FNTB: variants seen among roughly 807,000 people sequenced by gnomAD.
The protein encoded by FNTB is farnesyltransferase, CAAX box, subunit beta.
A neutral mutation model predicts 59.4 loss-of-function variants in FNTB; 27 were observed. That is an observed-to-expected ratio of 0.45 (90% confidence interval 0.34 to 0.63). The LOEUF (loss-of-function observed/expected upper bound fraction) is 0.63. Among genes scored for constraint, FNTB ranks in the 20% least tolerant of loss-of-function variants. The pLI is 0.02. For synonymous variants in FNTB, 230 were observed against 220.7 expected, an observed-to-expected ratio of 1.04 and a Z score of -0.37; for missense variants, 449 against 559.6, an observed-to-expected ratio of 0.80 and a Z score of 1.99.
intron 2 of FNTB, chr14:65,006,357 G>A: frequency 1.3e-6 from 2 of 1,592,934 alleles, no homozygotes; most frequent in Non-Finnish European, 1.7e-6. Context: ...CCAAATCTCT[G>A]CATTAACCCA....
chr14:65,004,022 G>A (rs2139477594), intron 1 of FNTB, among the ~76,000 whole-genome samples: 1 of 152,314 alleles, frequency 6.6e-6, no homozygotes, highest in South Asian at 2.1e-4. Context: ...GGATATTATG[G>A]ATTTGGTTTC....
Position 65,040,894 on chromosome 14 carries a change from G to A in FNTB, c.797G>A (p.Arg266His), listed in dbSNP as rs749947758. The change falls in exon 8 of 12, where the codon CGT becomes CAT. Residue 266 changes from arginine (R) to histidine (H), a missense_variant. Arg to His is a conservative substitution (Grantham distance 29). This residue lies in a region of FNTB where 337 missense variants were observed against 479.1 expected (regional missense o/e 0.70). Coordinates refer to ENST00000246166, the MANE Select transcript of FNTB (RefSeq NM_002028.4). ...GCGCTGGTAATCCTCAAGAGGGAAC[G>A]TTCCTTGAACTTGAAGAGCTTATTA... ...LAALVILKRERSLNLKSLLQW... is the reference protein window; with the variant it reads ...LAALVILKREHSLNLKSLLQW... 5.6e-6 allele frequency: 9 copies of A among 1,613,808 alleles called. No homozygotes were observed. The highest frequency in any genetic ancestry group is 3.3e-4 in the Middle Eastern group (2 of 6,084).
intron 1 of FNTB, among the ~76,000 whole-genome samples, chr14:64,995,414 T>C (rs1289790900): frequency 1.3e-5 from 2 of 152,210 alleles, no homozygotes; most frequent in African/African-American, 4.8e-5. Context: ...TAATTGTATG[T>C]GTTATACTTT....
chr14:65,003,552 C>T (rs1217990541), intron 1 of FNTB: 2 of 151,868 alleles, frequency 1.3e-5, no homozygotes, highest in Non-Finnish European at 2.9e-5. Context: ...TAGGAGATAC[C>T]CAGGGGAAAA....
rs901274418 is a variant in FNTB, at chr14:65,023,657, G to A, written c.375-3796G>A. Among the ~76,000 whole-genome samples the A allele has an allele frequency of 6.6e-6, 1 of 152,208 alleles. No individual in the cohort carries two copies. Among genetic ancestry groups the A allele is most frequent in the Non-Finnish European group, 1.5e-5 (1 of 68,034 alleles). On this transcript the variant is annotated intron_variant, in intron 4 of 11. Transcript: ENST00000246166. This position sits in a 1 kb window ranked among gnomAD's most constrained non-coding sequence, Gnocchi z 4.1. ...TTGAAATGTGTCTTGTGTGACTGAA[G>A]AGCTGAATTTTCTATTTTAATTAAT... is the stretch of plus-strand genomic sequence containing the variant.
chr14:65,024,929 G>T (rs529422699), intron 4 of FNTB, among the ~76,000 whole-genome samples: 210 of 151,758 alleles, frequency 1.4e-3, no homozygotes, highest in South Asian at 5.0e-3. Context: ...CCTTTTTTTT[G>T]TTTGTTTGTT....
intron 7 of FNTB, among the ~76,000 whole-genome samples, chr14:65,038,617 C>T (rs1283158223): frequency 6.6e-6 from 1 of 152,006 alleles, no homozygotes; most frequent in Non-Finnish European, 1.5e-5. Flanking sequence ...ACTCAGGAGG[C>T]TGAGGCAGGA....
In FNTB at chr14:64,987,043, C is replaced by A; in HGVS notation, c.90C>A (p.His30Gln). 1 of 1,614,216 alleles carries A rather than the reference C, an allele frequency of 6.2e-7. No individual in the cohort carries two copies. The highest frequency in any genetic ancestry group is 8.5e-7 in the Non-Finnish European group (1 of 1,180,048). ...SEPLYSLRPE[H>Q]ARERLQDDSV... is the part of the protein sequence containing the mutation. ...CGCTGTACAGTCTGAGGCCCGAGCACGCGCGAGAGCGGTTGCAGGACGACT... is the reference window on the plus strand; with the variant it reads ...CGCTGTACAGTCTGAGGCCCGAGCAAGCGCGAGAGCGGTTGCAGGACGACT... The change falls in exon 1 of 12, where the codon CAC (histidine) becomes CAA (glutamine). Residue 30 changes from histidine (H) to glutamine (Q), a missense_variant. Transcript: ENST00000246166.
chr14:65,059,639 C>T (rs2062816311), intron 11 of FNTB, among the ~76,000 whole-genome samples: 2 of 152,002 alleles, frequency 1.3e-5, no homozygotes, highest in Admixed American at 1.3e-4. Flanking sequence ...AGTTGTGTCC[C>T]CTTCTTCATT....
chr14:65,031,479 A>T lies in FNTB; in HGVS notation c.606-1131A>T, dbSNP rs1444843158. On this transcript the variant is annotated intron_variant, in intron 6 of 11. Transcript: ENST00000246166. The surrounding 1 kb of genome is among the most constrained non-coding windows in gnomAD (Gnocchi z 4.6). ...ACTACGGGCACACGCCACCATGCCC[A>T]GCTAATTTTTGTGTTTTTAGTGGAG... Among the ~76,000 whole-genome samples the T allele has an allele frequency of 6.6e-6, 1 of 151,916 alleles. No individual in the cohort carries two copies. The highest frequency in any genetic ancestry group is 2.0e-4 in the East Asian group (1 of 5,066).
At chr14:65,006,944 GAA>G (rs1013524964) in intron 2 of FNTB, among the ~76,000 whole-genome samples, 1 of 150,770 alleles carries the variant, frequency 6.6e-6, no homozygotes, top group Non-Finnish European at 1.5e-5. Flanking sequence ...GTATGGGTGG[GAA>G]AAAAAAAGTG....
intron 4 of FNTB, 61 bp downstream of exon 4, chr14:65,015,777 TTGTTTTGTTTC>T (rs1389935817): frequency 7.6e-6 from 12 of 1,577,520 alleles, no homozygotes; most frequent in East Asian, 4.5e-5. Context: ...GTTTGGGATT[TTGTTTTGTTTC>T]TGTTTTGTTT....
Position 65,054,734 on chromosome 14 carries a change from C to G in FNTB, c.1182+45C>G. The G allele has an allele frequency of 6.4e-7, 1 of 1,556,804 alleles. No individual in the cohort carries two copies. The highest frequency in any genetic ancestry group is 8.7e-7 in the Non-Finnish European group (1 of 1,146,728). ...TCACACCCCTTCTCCACAGGGACCT[C>G]GCGGACAGAAGGCTTTCCAAGTAAG... On this transcript the variant is annotated intron_variant, in intron 11 of 11. Coordinates refer to ENST00000246166, the MANE Select transcript of FNTB (RefSeq NM_002028.4). The surrounding 1 kb of genome is among the most constrained non-coding windows in gnomAD (Gnocchi z 4.4).
intron 4 of FNTB, 72 bp downstream of exon 4, chr14:65,015,788 CT>C (rs2061762887): frequency 2.6e-6 from 4 of 1,556,024 alleles, no homozygotes; most frequent in South Asian, 1.1e-5. Context: ...TGTTTTGTTT[CT>C]GTTTTGTTTG....
intron 4 of FNTB, among the ~76,000 whole-genome samples, chr14:65,022,878 G>A (rs1357368657): frequency 6.6e-6 from 1 of 152,028 alleles, no homozygotes; most frequent in Non-Finnish European, 1.5e-5. Context: ...CCATATTCAT[G>A]TGCCTTACCC....
intron 2 of FNTB, among the ~76,000 whole-genome samples, chr14:65,006,943 G>A (rs1226958263): frequency 5.3e-5 from 8 of 151,694 alleles, no homozygotes; most frequent in Non-Finnish European, 1.5e-5. Flanking sequence ...AGTATGGGTG[G>A]GAAAAAAAAA....
rs561276261 is a variant in FNTB at position 65,012,459 on chromosome 14, C to A, written c.282+70C>A. 9.4e-6 allele frequency: 15 copies of A among 1,591,300 alleles called. No individual in the cohort carries two copies. In the East Asian group the frequency reaches 3.4e-4, roughly 36 times the overall value. On this transcript the variant is annotated intron_variant, in intron 3 of 11. Coordinates refer to ENST00000246166, the MANE Select transcript of FNTB (RefSeq NM_002028.4). This position sits in a 1 kb window ranked among gnomAD's most constrained non-coding sequence, Gnocchi z 5.0. ...AATCCTCCTCCTTTTTCTATTTAAA[C>A]GTAAAAGACTGTTGGGGCTGACCTG...
chr14:64,987,313 G>C (rs550696936), intron 1 of FNTB: 1 of 601,496 alleles, frequency 1.7e-6, no homozygotes, highest in Non-Finnish European at 2.9e-6. Context: ...TCAAGGTTGG[G>C]CTTGGAGGAG....
intron 4 of FNTB, chr14:65,022,251 G>T: frequency 3.4e-5 from 10 of 296,998 alleles, no homozygotes; most frequent in East Asian, 9.5e-5. Context: ...ATGGATGACT[G>T]TTCCTATTTC....
Sources: allele counts gnomAD v4.1 joint callset (sites outside exome capture counted in the v4.1 genomes callset), GRCh38; gene constraint gnomAD v4.1.1; regional missense constraint gnomAD v4.1.1; non-coding constraint Gnocchi (gnomAD v3.1); transcripts MANE v1.5; gene names NCBI Gene and HGNC (gene_info 2026-07-23, HGNC 2026-07-21).